The following RNF150 variants were observed in gnomAD, a reference collection of about 807,000 sequenced individuals.
The protein encoded by RNF150 is ring finger protein 150.
RNF150 carries 24 observed loss-of-function variants against 39.3 expected under a neutral mutation model. The ratio of observed to expected loss-of-function variants is 0.61; its 90% CI spans 0.44 to 0.86. The LOEUF (loss-of-function observed/expected upper bound fraction) is 0.86. RNF150 is among the 40% of genes least tolerant of loss of function. The pLI is 0.00. For synonymous variants in RNF150, 255 were observed against 227.3 expected, an observed-to-expected ratio of 1.12 and a Z score of -1.10; for missense variants, 502 against 587.8, an observed-to-expected ratio of 0.85 and a Z score of 1.51.
chr4:140,926,892 G>A (rs192641080), intron 4 of RNF150, among the ~76,000 whole-genome samples: 9 of 152,288 alleles, frequency 5.9e-5, no homozygotes, highest in Admixed American at 5.9e-4. Flanking sequence ...CCTGGGGCAA[G>A]AAGAGAAAGA....
At position 140,926,080 on chromosome 4, in the gene RNF150, T is replaced by C; in HGVS notation, c.891-7A>G. The C allele has an allele frequency of 6.2e-7, 1 of 1,600,068 alleles. No homozygotes were observed. The highest frequency in any genetic ancestry group is 8.6e-7 in the Non-Finnish European group (1 of 1,167,126). ...GGACTTGTGGAAAAGATGCCTGCAATGAGAACCATACATCTTAGAGCGGCG... is the reference window on the plus strand; with the variant it reads ...GGACTTGTGGAAAAGATGCCTGCAACGAGAACCATACATCTTAGAGCGGCG... On this transcript the variant is annotated splice_region_variant and splice_polypyrimidine_tract_variant and intron_variant, in intron 4 of 6. Transcript: ENST00000515673.
At chr4:140,910,259 G>A (rs936660310) in intron 6 of RNF150, among the ~76,000 whole-genome samples, 2 of 152,076 alleles carry the variant, frequency 1.3e-5, no homozygotes, top group African/African-American at 4.8e-5. Flanking sequence ...AATTTCTACA[G>A]TGAATAGGTT....
At chr4:140,899,944 T>TC (rs1730114654) in intron 6 of RNF150, among the ~76,000 whole-genome samples, 2 of 110,022 alleles carry the variant, frequency 1.8e-5, no homozygotes, top group African/African-American at 3.6e-5. Context: ...CTCTCTCACT[T>TC]TCTCTCTCTC....
At chr4:140,990,387 C>A (rs1734153082) in intron 1 of RNF150, among the ~76,000 whole-genome samples, 1 of 152,114 alleles carries the variant, frequency 6.6e-6, no homozygotes, top group East Asian at 1.9e-4. Context: ...ATATGCAGGA[C>A]CTGCAGGTTA....
At chr4:141,034,668 T>G (rs1736074975) in intron 1 of RNF150, among the ~76,000 whole-genome samples, 1 of 152,154 alleles carries the variant, frequency 6.6e-6, no homozygotes, top group Non-Finnish European at 1.5e-5. Context: ...GTAGGGTTAT[T>G]AATTGGCCTA....
intron 1 of RNF150, among the ~76,000 whole-genome samples, chr4:141,000,483 G>C (rs1011296399): frequency 6.6e-6 from 1 of 152,110 alleles, no homozygotes; most frequent in Admixed American, 6.6e-5. Context: ...AGATATACTA[G>C]TTTACCAACA....
rs575495434 is a variant in RNF150, at chr4:140,985,304, C to T, written c.485-17431G>A. On this transcript the variant is annotated intron_variant, in intron 1 of 6. Coordinates refer to ENST00000515673, the MANE Select transcript of RNF150 (RefSeq NM_020724.2). ...GAATCTTTTCTTTAATACCTTTTCA[C>T]GCCCAATTAACACAAAAATAGTTGC... 6.4e-4 allele frequency among the ~76,000 whole-genome samples: 97 copies of T among 152,226 alleles called. 3 individuals carry two copies. In the South Asian group the frequency reaches 0.016, roughly 25 times the overall value.
chr4:141,179,385 G>T (rs1727866991), intron 1 of RNF150, among the ~76,000 whole-genome samples: 1 of 152,114 alleles, frequency 6.6e-6, no homozygotes, highest in African/African-American at 2.4e-5. Context: ...ATTTAAAATA[G>T]TTCAATAGTA....
intron 4 of RNF150, among the ~76,000 whole-genome samples, chr4:140,932,744 T>C (rs1731701635): frequency 6.6e-6 from 1 of 152,238 alleles, no homozygotes; most frequent in Non-Finnish European, 1.5e-5. Context: ...CATGGGGAGA[T>C]GACAAGCTCT....
intron 1 of RNF150, among the ~76,000 whole-genome samples, chr4:141,097,867 T>G (rs1738859279): frequency 6.6e-6 from 1 of 152,210 alleles, no homozygotes; most frequent in African/African-American, 2.4e-5. Flanking sequence ...CAAACATTTT[T>G]CTCAGTTTAT....
intron 1 of RNF150, among the ~76,000 whole-genome samples, chr4:141,026,321 A>T (rs184095064): frequency 1.3e-5 from 2 of 152,338 alleles, no homozygotes; most frequent in Admixed American, 1.3e-4. Context: ...AAATGAGTAT[A>T]TATTGGAGAG....
At chr4:141,135,813 T>C (rs1469325951), upstream of RNF150, among the ~76,000 whole-genome samples, 1 of 152,148 alleles carries the variant, frequency 6.6e-6, no homozygotes, top group Non-Finnish European at 1.5e-5. Flanking sequence ...AATGGTGAAT[T>C]TATTGAAGAG....
At chr4:140,992,552 A>T (rs995173410) in intron 1 of RNF150, among the ~76,000 whole-genome samples, 2 of 152,078 alleles carry the variant, frequency 1.3e-5, no homozygotes, top group Non-Finnish European at 2.9e-5. Flanking sequence ...AGCGGGAGAG[A>T]GGAGAGGCAC....
At chr4:141,035,160 A>C (rs1736093537) in intron 1 of RNF150, among the ~76,000 whole-genome samples, 1 of 152,230 alleles carries the variant, frequency 6.6e-6, no homozygotes, top group South Asian at 2.1e-4. Flanking sequence ...CAAAGGCATT[A>C]GGCATTCTTC....
rs137887212 is a variant in RNF150 at position 141,019,640 on chromosome 4, C to T, written c.485-51767G>A. Among the ~76,000 whole-genome samples the T allele has an allele frequency of 4.3e-4, 66 of 152,246 alleles. No homozygotes were observed. In the East Asian group the frequency reaches 0.012, roughly 28 times the overall value. On this transcript the variant is annotated intron_variant, in intron 1 of 6. Coordinates refer to ENST00000515673, the MANE Select transcript of RNF150 (RefSeq NM_020724.2). Reference sequence around the variant, plus strand: ...AACTAAACTGAGACTTAAATATCTGCCATCTGGAAATGCATATGAAAACCT... The same window carrying T: ...AACTAAACTGAGACTTAAATATCTGTCATCTGGAAATGCATATGAAAACCT...
At chr4:140,939,690 G>T (rs1732006977) in intron 4 of RNF150, among the ~76,000 whole-genome samples, 1 of 150,882 alleles carries the variant, frequency 6.6e-6, no homozygotes. Context: ...TTCAGTGCTT[G>T]AAATCTGTTT....
At chr4:140,926,230 A>G (rs1305667144) in intron 4 of RNF150, among the ~76,000 whole-genome samples, 157 bp from the exon 5 acceptor site, 1 of 152,202 alleles carries the variant, frequency 6.6e-6, no homozygotes, top group Non-Finnish European at 1.5e-5. Flanking sequence ...GTTTCCTGTT[A>G]TAACCTGTGG....
chr4:141,111,010 AG>A (rs1739368613), intron 1 of RNF150, among the ~76,000 whole-genome samples: 1 of 152,098 alleles, frequency 6.6e-6, no homozygotes, highest in Non-Finnish European at 1.5e-5. Flanking sequence ...CCCATCTAGG[AG>A]GGGGTTATCT....
At chr4:141,180,317 C>A (rs556274107) in intron 1 of RNF150, among the ~76,000 whole-genome samples, 1 of 152,288 alleles carries the variant, frequency 6.6e-6, no homozygotes, top group South Asian at 2.1e-4. Context: ...ATTCCCTTCC[C>A]CTTTAACCAG....
Sources: allele counts gnomAD v4.1 joint callset (sites outside exome capture counted in the v4.1 genomes callset), GRCh38; gene constraint gnomAD v4.1.1; transcripts MANE v1.5; gene names NCBI Gene and HGNC (gene_info 2026-07-23, HGNC 2026-07-21).